ESF1: variants seen among roughly 807,000 people sequenced by gnomAD.
ESF1 encodes ESF1 homolog.
A neutral mutation model predicts 92.0 loss-of-function variants in ESF1; 58 were observed. The ratio of observed to expected loss-of-function variants is 0.63; its 90% CI spans 0.51 to 0.78. ESF1 has a LOEUF of 0.78. Among genes scored for constraint, ESF1 ranks in the 30% least tolerant of loss-of-function variants. ESF1 has a pLI of 0.00. For missense variants in ESF1, 922 were observed against 989.1 expected, an observed-to-expected ratio of 0.93 and a Z score of 0.91; for synonymous variants, 321 against 313.7, an observed-to-expected ratio of 1.02 and a Z score of -0.24.
At chr20:13,718,056 T>C (rs1325083872) in intron 12 of ESF1, among the ~76,000 whole-genome samples, 4 of 151,880 alleles carry the variant, frequency 2.6e-5, no homozygotes, top group Non-Finnish European at 4.4e-5. Context: ...CTTTTTACAC[T>C]AAACGGGTAT....
At chr20:13,737,884 G>A (rs1201148995) in intron 9 of ESF1, among the ~76,000 whole-genome samples, 1 of 152,202 alleles carries the variant, frequency 6.6e-6, no homozygotes, top group African/African-American at 2.4e-5. Flanking sequence ...TTGAACTCCT[G>A]ACCTCAGGTG....
intron 9 of ESF1, among the ~76,000 whole-genome samples, chr20:13,735,664 T>A (rs184688942): frequency 1.3e-5 from 2 of 152,312 alleles, no homozygotes; most frequent in Admixed American, 6.5e-5. Context: ...TACAGTGTTG[T>A]ATTATTACAT....
rs1979735413 is a variant in ESF1, at chr20:13,772,527, G to A, written c.1238C>T (p.Pro413Leu). 1 of 1,609,004 alleles carries A rather than the reference G, an allele frequency of 6.2e-7. No homozygotes were observed. The highest frequency in any genetic ancestry group is 1.7e-5 in the Admixed American group (1 of 59,980). ...VELLSIPEDA[P>L]EKDWTSREKL... Reference sequence around the variant, plus strand: ...AGTGATTTAATACCAGTCTTTTTCTGGGGCATCTTCAGGAATACTTAATAG... The same window carrying A: ...AGTGATTTAATACCAGTCTTTTTCTAGGGCATCTTCAGGAATACTTAATAG... The change falls in exon 5 of 14, where the codon CCA becomes CTA. Residue 413 changes from proline to leucine, a missense_variant. By Grantham distance (98) the Pro-to-Leu change is moderately conservative (BLOSUM62 -3). Transcript: ENST00000617257.
At chr20:13,773,786 A>G (rs1039316657) in intron 4 of ESF1, among the ~76,000 whole-genome samples, 5 of 152,028 alleles carry the variant, frequency 3.3e-5, no homozygotes, top group Non-Finnish European at 5.9e-5. Flanking sequence ...TATTAGCATG[A>G]TTTCTCAAAA....
rs375092735 is a variant in ESF1 at position 13,759,810 on chromosome 20, T to C, written c.1710A>G (p.Lys570=). 1.9e-6 allele frequency: 3 copies of C among 1,600,078 alleles called. No individual in the cohort carries two copies. In the African/African-American group the frequency reaches 4.1e-5, roughly 22 times the overall value. ...VNVEEDGKTK[K]SQKDDEEQIA... ...TTTGTTCTTCATCATCCTTCTGACT[T>C]TTCTTTGTTTTCCCATCTTCTTCTA... Residue 570 remains lysine, a synonymous_variant, in exon 9 of 14, where the codon AAA becomes AAG. Coordinates refer to ENST00000617257, the MANE Select transcript of ESF1 (RefSeq NM_001276380.2).
chr20:13,743,092 A>T (rs1263844180), intron 9 of ESF1, among the ~76,000 whole-genome samples: 1 of 152,218 alleles, frequency 6.6e-6, no homozygotes, highest in Non-Finnish European at 1.5e-5. Flanking sequence ...AGTTATATAA[A>T]ACTATATACA....
chr20:13,751,823 T>G (rs1978648920), intron 9 of ESF1, among the ~76,000 whole-genome samples: 1 of 151,896 alleles, frequency 6.6e-6, no homozygotes, highest in African/African-American at 2.4e-5. Context: ...GGTGAAACCC[T>G]GTCTCTACAA....
intron 9 of ESF1, among the ~76,000 whole-genome samples, chr20:13,754,322 C>A (rs905552779): frequency 1.3e-5 from 2 of 152,200 alleles, no homozygotes; most frequent in Admixed American, 6.5e-5. Context: ...CTCTGATAGC[C>A]TCTCCAGCTG....
At chr20:13,776,636 A>G (rs2147778357) in intron 2 of ESF1, among the ~76,000 whole-genome samples, 1 of 152,326 alleles carries the variant, frequency 6.6e-6, no homozygotes, top group East Asian at 1.9e-4. Flanking sequence ...TGAAACTTCT[A>G]GCTGAGTGAA....
chr20:13,748,648 C>T (rs1179564823), intron 9 of ESF1, among the ~76,000 whole-genome samples: 6 of 146,356 alleles, frequency 4.1e-5, no homozygotes, highest in African/African-American at 1.5e-4. Context: ...AGTGCAGTGG[C>T]GCGATCTTGG....
At chr20:13,779,784 C>G (rs1407400057) in intron 2 of ESF1, among the ~76,000 whole-genome samples, 1 of 152,228 alleles carries the variant, frequency 6.6e-6, no homozygotes, top group Non-Finnish European at 1.5e-5. Context: ...ATCCACCCGC[C>G]TCGGTCTCCC....
At chr20:13,716,632 CT>C (rs1233826098) in intron 13 of ESF1, among the ~76,000 whole-genome samples, 2 of 144,454 alleles carry the variant, frequency 1.4e-5, no homozygotes, top group Admixed American at 6.9e-5. Flanking sequence ...AAGACATTTT[CT>C]TTTTTTTTCT....
At position 13,771,545 on chromosome 20, in the gene ESF1, A is replaced by C. The variant is rs1397100004; in HGVS notation, c.1251-62T>G. The stretch of plus-strand genomic sequence containing the variant: ...GAAACACAAAAATTTCCCTTTAAAA[A>C]ATAAATGTAATTCTTTCAAGAAAAA... On this transcript the variant is annotated intron_variant, in intron 5 of 13. Transcript: ENST00000617257. 4.5e-6 allele frequency: 6 copies of C among 1,321,310 alleles called. No individual in the cohort carries two copies. The East Asian group carries it at 1.4e-4, about 31-fold the overall frequency. 81.8% of individuals were successfully genotyped at this position (1,321,310 alleles called of 1,614,324 possible). A position where few individuals can be genotyped will look rare whatever the true frequency, so the allele number is the denominator to read the frequency against.
chr20:13,718,981 A>G lies in ESF1; in HGVS notation c.2042T>C (p.Ile681Thr). ...YFAEEVKQIG[I>T]NKKSVKSAKD... Reference sequence around the variant, plus strand: ...TGCAGATTTTACCGATTTTTTATTTATACCTGGCACAACAAACCAACATAA... The same window carrying G: ...TGCAGATTTTACCGATTTTTTATTTGTACCTGGCACAACAAACCAACATAA... Residue 681 changes from isoleucine (I) to threonine (T), a missense_variant, in exon 12 of 14, where the codon ATA becomes ACA. By Grantham distance (89) the Ile-to-Thr change is moderately conservative (BLOSUM62 -1). Transcript: ENST00000617257. 2 of 1,601,842 alleles carry G rather than the reference A, an allele frequency of 1.2e-6. No individual in the cohort carries two copies. The highest frequency in any genetic ancestry group is 1.7e-6 in the Non-Finnish European group (2 of 1,176,158).
chr20:13,719,581 G>A (rs914601991), intron 11 of ESF1, among the ~76,000 whole-genome samples: 1 of 151,630 alleles, frequency 6.6e-6, no homozygotes, highest in Admixed American at 6.6e-5. Context: ...TTTCATTCTG[G>A]AAAAAAAGAT....
Position 13,782,581 on chromosome 20 carries a change from G to A in ESF1, c.560C>T (p.Thr187Ile), listed in dbSNP as rs768255778. The A allele has an allele frequency of 1.1e-5, 18 of 1,591,546 alleles. No homozygotes were observed. The highest frequency in any genetic ancestry group is 1.5e-5 in the Non-Finnish European group (18 of 1,174,570). Residue 187 changes from threonine (T) to isoleucine (I), a missense_variant, in exon 2 of 14, where the codon ACA becomes ATA. Transcript: ENST00000617257. Reference sequence around the variant, plus strand: ...AATTTCAGAGGTGCCTGAGTCTAATGTCCTTTGTTTTTCTTCGAGAGAAGA... The same window carrying A: ...AATTTCAGAGGTGCCTGAGTCTAATATCCTTTGTTTTTCTTCGAGAGAAGA... ...TDSSLEEKQRTLDSGTSEIVK... is the reference protein window; with the variant it reads ...TDSSLEEKQRILDSGTSEIVK...
chr20:13,728,455 TC>T lies in ESF1; in HGVS notation c.1960del (p.Glu654LysfsTer14). 6.2e-7 allele frequency: 1 copy of T among 1,609,458 alleles called. No homozygotes were observed. Among genetic ancestry groups the T allele is most frequent in the Non-Finnish European group, 8.5e-7 (1 of 1,177,678 alleles). On this transcript the variant is annotated frameshift_variant, in exon 11 of 14. Coordinates refer to ENST00000617257, the MANE Select transcript of ESF1 (RefSeq NM_001276380.2). LOFTEE classifies it high-confidence loss of function. ...GGGAAGTTCCTCTTCACTGGCCTCTTCAGCAAGAGCCTTAAAAGTTGAATAT... is the reference window on the plus strand; with the variant it reads ...GGGAAGTTCCTCTTCACTGGCCTCTTAGCAAGAGCCTTAAAAGTTGAATAT... Reference protein sequence around the residue: ...RLKRKQKALAEEASEEELPSD... With the variant: ...RLKRKQKALAXEASEEELPSD...
chr20:13,759,582 A>T (rs1466162862), intron 9 of ESF1, 110 bp downstream of exon 9: 4 of 1,406,904 alleles, frequency 2.8e-6, no homozygotes, highest in African/African-American at 3.0e-5. Flanking sequence ...TGGTGTATGC[A>T]AATATGATGT....
At chr20:13,751,777 G>C (rs868173059) in intron 9 of ESF1, among the ~76,000 whole-genome samples, 14 of 152,192 alleles carry the variant, frequency 9.2e-5, no homozygotes, top group South Asian at 2.1e-4. Flanking sequence ...GCTGAGGTGG[G>C]TGGATCACAA....
Sources: allele counts gnomAD v4.1 joint callset (sites outside exome capture counted in the v4.1 genomes callset), GRCh38; gene constraint gnomAD v4.1.1; transcripts MANE v1.5; gene names NCBI Gene and HGNC (gene_info 2026-07-23, HGNC 2026-07-21).